Variants in CENPE observed in about 807,000 individuals in gnomAD.
CENPE encodes centromere-associated protein E.
CENPE carries 145 observed loss-of-function variants against 336.1 expected under a neutral mutation model. The observed-to-expected ratio is 0.43, with a 90% confidence interval of 0.38 to 0.50. CENPE has a LOEUF of 0.50. Ranked by LOEUF, CENPE falls within the 20% of genes least tolerant of loss-of-function variation. The pLI, the probability that CENPE is intolerant of heterozygous loss-of-function variation, is 0.00. For synonymous variants in CENPE, 1,013 were observed against 984.8 expected, an observed-to-expected ratio of 1.03 and a Z score of -0.54; for missense variants, 2,719 against 3,023.3, an observed-to-expected ratio of 0.90 and a Z score of 2.36.
At position 103,144,525 on chromosome 4, in the gene CENPE, C is replaced by T; in HGVS notation, c.4951G>A (p.Glu1651Lys). The stretch of plus-strand genomic sequence containing the variant: ...TTTAACTTCTGGGTCTCAAATTGCT[C>T]CTTCAAGTGTTCTATTTCACACATT... Reference protein sequence around the residue: ...EKMCEIEHLKEQFETQKLNLE... With the variant: ...EKMCEIEHLKKQFETQKLNLE... The change falls in exon 33 of 49, where the codon GAG (glutamate) becomes AAG (lysine). Residue 1651 changes from glutamate to lysine, a missense_variant. Physicochemically the swap from Glu to Lys is moderately conservative, Grantham distance 56. This residue lies in a region of CENPE where 2,437 missense variants were observed against 2,513.3 expected (regional missense o/e 0.97). Transcript: ENST00000265148. 6.2e-7 allele frequency: 1 copy of T among 1,613,814 alleles called. No individual in the cohort carries two copies.
chr4:103,145,343 T>A lies in CENPE; in HGVS notation c.4573-9A>T. Reference sequence around the variant, plus strand: ...TCATAAATCTCTTGGATCTTAAACATAATTATAAAATAAGTTAATAGTCAT... The same window carrying A: ...TCATAAATCTCTTGGATCTTAAACAAAATTATAAAATAAGTTAATAGTCAT... On this transcript the variant is annotated splice_polypyrimidine_tract_variant and intron_variant, in intron 31 of 48. Transcript: ENST00000265148. 1.3e-6 allele frequency: 2 copies of A among 1,485,438 alleles called. No homozygotes were observed. Among genetic ancestry groups the A allele is most frequent in the Non-Finnish European group, 1.8e-6 (2 of 1,081,358 alleles). 92.0% of individuals were successfully genotyped at this position (1,485,438 alleles called of 1,614,324 possible).
At chr4:103,134,127 T>C (rs1466584439) in intron 40 of CENPE, among the ~76,000 whole-genome samples, 1 of 152,218 alleles carries the variant, frequency 6.6e-6, no homozygotes, top group Non-Finnish European at 1.5e-5. Flanking sequence ...CCAGATATAC[T>C]TCTTGGATGT....
chr4:103,127,006 T>G (rs953033071), intron 42 of CENPE, among the ~76,000 whole-genome samples: 2 of 150,600 alleles, frequency 1.3e-5, no homozygotes, highest in Admixed American at 1.3e-4. Flanking sequence ...GCAGGAATAT[T>G]TGAAGTAATA....
intron 42 of CENPE, among the ~76,000 whole-genome samples, chr4:103,130,862 C>T (rs1578570153): frequency 9.1e-6 from 1 of 109,626 alleles, no homozygotes; most frequent in Non-Finnish European, 1.8e-5. Flanking sequence ...TGATCATTGA[C>T]AAAGGAGCAA....
At position 103,190,383 on chromosome 4, in the gene CENPE, C is replaced by T. The variant is rs1757196602; in HGVS notation, c.693+3846G>A. Among the ~76,000 whole-genome samples, 3 of 152,212 alleles carry T rather than the reference C, an allele frequency of 2.0e-5. No homozygotes were observed. The South Asian group carries it at 6.2e-4, about 32-fold the overall frequency. On this transcript the variant is annotated intron_variant, in intron 8 of 48. Coordinates refer to ENST00000265148, the MANE Select transcript of CENPE (RefSeq NM_001813.3). ...AAGCTGGAGGCATCATGCTACCTGA[C>T]TTCAAACTATACTACAAGGCTACAG...
In CENPE at chr4:103,180,332, G is replaced by A; in HGVS notation, c.1221C>T (p.Leu407=). 1 of 1,611,426 alleles carries A rather than the reference G, an allele frequency of 6.2e-7. No individual in the cohort carries two copies. The highest frequency in any genetic ancestry group is 8.5e-7 in the Non-Finnish European group (1 of 1,178,614). ...TTACCTTTAATTCCTGTTGCAACGT[G>A]AGGGAAGAAGAGGTCACCAGCATCC... ...LTRMLVTSSS[L]TLQQELKAKR... is the part of the protein sequence containing the mutation. Residue 407 remains leucine, a synonymous_variant, in exon 13 of 49, where the codon CTC becomes CTT. Transcript: ENST00000265148.
Position 103,141,828 on chromosome 4 carries a change from T to C in CENPE, c.5385A>G (p.Gly1795=), listed in dbSNP as rs745608770. 6.3e-7 allele frequency: 1 copy of C among 1,586,294 alleles called. No homozygotes were observed. The highest frequency in any genetic ancestry group is 2.2e-5 in the East Asian group (1 of 44,458). The part of the protein sequence containing the change: ...EQQETIDKLR[G]IVSEKTDKLS... ...GTTTATCTGTCTTCTCAGAAACAAT[T>C]CCTCTGAGTTTGTCAATAGTTTCCT... The change falls in exon 35 of 49, where the codon GGA becomes GGG. Residue 1795 remains glycine (G), a synonymous_variant. Transcript: ENST00000265148.
chr4:103,116,730 C>G lies in CENPE; in HGVS notation c.7330-41G>C, dbSNP rs751637373. ...AGAAAATAAAAATAATTATTAGAGG[C>G]GCTTCAGTTTCTCCAGTTGTAAAGA... On this transcript the variant is annotated intron_variant, in intron 44 of 48. Transcript: ENST00000265148. 3.8e-6 allele frequency: 4 copies of G among 1,042,620 alleles called. No individual in the cohort carries two copies. In the Admixed American group the frequency reaches 1.0e-4, roughly 27 times the overall value. The allele number at this position is 1,042,620 out of a possible 1,614,324, so 64.6% of individuals were successfully genotyped here.
chr4:103,165,483 G>C (rs939051768), intron 16 of CENPE, among the ~76,000 whole-genome samples: 5 of 152,048 alleles, frequency 3.3e-5, no homozygotes, highest in African/African-American at 1.2e-4. Flanking sequence ...GGAAAACCAG[G>C]GAAATGGCTC....
At chr4:103,139,462 GCT>G (rs1276702561) in intron 38 of CENPE, among the ~76,000 whole-genome samples, 6 of 151,822 alleles carry the variant, frequency 4.0e-5, no homozygotes, top group African/African-American at 1.5e-4. Flanking sequence ...GGGAATATTT[GCT>G]CTCTTACAAA....
At chr4:103,140,735 A>T (rs1752481279) in intron 36 of CENPE, 79 bp downstream of exon 36, 2 of 1,203,658 alleles carry the variant, frequency 1.7e-6, no homozygotes, top group Non-Finnish European at 2.3e-6. Flanking sequence ...TAGTCACCAG[A>T]CACAACGCTG....
At chr4:103,161,575 A>G in intron 18 of CENPE, 118 bp from the exon 19 acceptor site, 1 of 773,330 alleles carries the variant, frequency 1.3e-6, no homozygotes, top group Non-Finnish European at 1.9e-6. Context: ...CAAATATGCT[A>G]GTTACCAAAT....
intron 42 of CENPE, among the ~76,000 whole-genome samples, chr4:103,130,143 T>G (rs1370408623): frequency 1.3e-5 from 2 of 152,302 alleles, no homozygotes; most frequent in East Asian, 3.9e-4. Flanking sequence ...TTTTCAACAC[T>G]GTACTGGAAG....
intron 36 of CENPE, 29 bp from the exon 37 acceptor site, chr4:103,140,443 T>C: frequency 6.8e-7 from 1 of 1,474,730 alleles, no homozygotes; most frequent in Non-Finnish European, 9.1e-7. Flanking sequence ...TCAAGAAATG[T>C]AATGATATAA....
chr4:103,129,595 G>A (rs987268780), intron 42 of CENPE, among the ~76,000 whole-genome samples: 1 of 152,006 alleles, frequency 6.6e-6, no homozygotes, highest in South Asian at 2.1e-4. Context: ...AATTAGCCAG[G>A]CGTGGTGGTG....
At chr4:103,178,065 C>T (rs1379636281) in intron 13 of CENPE, among the ~76,000 whole-genome samples, 1 of 149,776 alleles carries the variant, frequency 6.7e-6, no homozygotes, top group South Asian at 2.1e-4. Context: ...TGCCATCTCC[C>T]TCTTGGTTCT....
chr4:103,188,450 C>T (rs12501675), intron 8 of CENPE, among the ~76,000 whole-genome samples: 22,335 of 152,162 alleles, frequency 0.15, 1,953 homozygotes, highest in South Asian at 0.3. Context: ...GTCTCTCAGA[C>T]CACAGTGCAA....
At chr4:103,110,738 C>A (rs1030523066) in intron 47 of CENPE, 90 bp downstream of exon 47, 6 of 920,366 alleles carry the variant, frequency 6.5e-6, no homozygotes, top group African/African-American at 1.7e-5. Context: ...TGAAGTGTTA[C>A]CACCTGCAAA....
chr4:103,161,531 T>C, intron 18 of CENPE, 74 bp from the exon 19 acceptor site: 6 of 1,345,978 alleles, frequency 4.5e-6, no homozygotes, highest in South Asian at 3.8e-5. Context: ...AGAACATGTA[T>C]ATAAATGTTA....
Sources: gnomAD v4.1 joint callset for allele counts (sites outside exome capture counted in the v4.1 genomes callset) on GRCh38, gnomAD v4.1.1 for gene constraint, gnomAD v4.1.1 regional missense constraint, MANE v1.5 for transcripts, NCBI Gene and HGNC (gene_info 2026-07-23, HGNC 2026-07-21) for gene names.